Variants in RNF144A observed in about 807,000 individuals in gnomAD.
RNF144A encodes the protein E3 ubiquitin-protein ligase RNF144A.
RNF144A carries 11 observed loss-of-function variants against 38.7 expected under a neutral mutation model. That is an observed-to-expected ratio of 0.28 (90% CI 0.18 to 0.47). RNF144A has a LOEUF of 0.47. Ranked by LOEUF, RNF144A falls within the 20% of genes least tolerant of loss-of-function variation. The probability of loss-of-function intolerance (pLI) is 0.99; values close to 1 mark genes in which losing one functional copy is unlikely to be tolerated. For missense variants in RNF144A, 316 were observed against 377.2 expected (o/e 0.84, Z 1.34); for synonymous variants, 149 against 143.9 (o/e 1.04, Z -0.25).
At position 7,042,906 on chromosome 2, in the gene RNF144A, C is replaced by T. The variant is rs1023536761; in HGVS notation, c.*3146C>T. Reference sequence around the variant, plus strand: ...TTTTGAGACGGAGTTTCGCTTTTGTCCCCCAAGCTGGAGTACAATGACAGG... The same window carrying T: ...TTTTGAGACGGAGTTTCGCTTTTGTTCCCCAAGCTGGAGTACAATGACAGG... On this transcript the variant is annotated 3_prime_UTR_variant, in exon 9 of 9. Coordinates refer to ENST00000320892, the MANE Select transcript of RNF144A (RefSeq NM_014746.6). 8.7e-5 allele frequency: 83 copies of T among 948,992 alleles called. No individual in the cohort carries two copies. The highest frequency in any genetic ancestry group is 9.4e-5 in the Non-Finnish European group (75 of 797,062). 58.8% of individuals were successfully genotyped at this position (948,992 alleles called of 1,614,324 possible).
At chr2:7,001,097 C>T (rs758735000) in intron 3 of RNF144A, among the ~76,000 whole-genome samples, 282 of 150,244 alleles carry the variant, frequency 1.9e-3, no homozygotes, top group Non-Finnish European at 2.6e-3. Flanking sequence ...GTCAGGAGTT[C>T]GAGACCAGCC....
At chr2:6,976,370 C>T (rs574245563) in intron 2 of RNF144A, among the ~76,000 whole-genome samples, 5 of 152,034 alleles carry the variant, frequency 3.3e-5, no homozygotes, top group Admixed American at 6.5e-5. Flanking sequence ...GTTTGAGGGC[C>T]GTTTTTCTTT....
intron 6 of RNF144A, among the ~76,000 whole-genome samples, chr2:7,049,703 A>C (rs1673443165): frequency 6.6e-6 from 1 of 152,236 alleles, no homozygotes; most frequent in Non-Finnish European, 1.5e-5. Context: ...GAATCAACAT[A>C]TTAATGAAAC....
At chr2:7,053,966 C>A (rs577101142) in intron 6 of RNF144A, among the ~76,000 whole-genome samples, 1 of 152,348 alleles carries the variant, frequency 6.6e-6, no homozygotes, top group South Asian at 2.1e-4. Flanking sequence ...AGAAGCAGAG[C>A]TTGTCCATCT....
intron 2 of RNF144A, among the ~76,000 whole-genome samples, chr2:6,959,700 C>T (rs1289822434): frequency 6.6e-6 from 1 of 152,178 alleles, no homozygotes; most frequent in African/African-American, 2.4e-5. Flanking sequence ...TATGATAACC[C>T]ATTAATCTGT....
At position 7,041,917 on chromosome 2, in the gene RNF144A, TG is replaced by T; in HGVS notation, c.*2159del. 2.0e-6 allele frequency: 2 copies of T among 985,450 alleles called. No homozygotes were observed. The highest frequency in any genetic ancestry group is 2.4e-6 in the Non-Finnish European group (2 of 829,944). 61.0% of individuals were successfully genotyped at this position (985,450 alleles called of 1,614,324 possible). On this transcript the variant is annotated 3_prime_UTR_variant, in exon 9 of 9. Transcript: ENST00000320892. ...CAGGCTGTTCTGTTGGAAGAGTCTC[TG>T]GCCCAGTCATGCACATCTGTAGCCC...
At chr2:7,000,025 A>C (rs988372897) in intron 3 of RNF144A, among the ~76,000 whole-genome samples, 12 of 152,304 alleles carry the variant, frequency 7.9e-5, no homozygotes, top group Admixed American at 3.9e-4. Flanking sequence ...AATGTATTTC[A>C]GTGTGAAAGG....
downstream of RNF144A, among the ~76,000 whole-genome samples, chr2:7,068,597 G>C (rs1052488340): frequency 6.6e-6 from 1 of 152,222 alleles, no homozygotes; most frequent in Non-Finnish European, 1.5e-5. Context: ...CTGCACTGGC[G>C]AATCCGAGTC....
At chr2:6,997,879 A>G (rs1669861943) in intron 3 of RNF144A, among the ~76,000 whole-genome samples, 1 of 152,210 alleles carries the variant, frequency 6.6e-6, no homozygotes, top group Non-Finnish European at 1.5e-5. Flanking sequence ...CAGCATGATA[A>G]TTATAGTTAA....
chr2:6,928,275 C>T lies in RNF144A; in HGVS notation c.-212+10653C>T, dbSNP rs147482915. ...TAACATTTTTCCTTAAGACGCTCTA[C>T]TGTCAAAATCTACCCTGACTTCCAT... On this transcript the variant is annotated intron_variant, in intron 1 of 8. Coordinates refer to ENST00000320892, the MANE Select transcript of RNF144A (RefSeq NM_014746.6). Among the ~76,000 whole-genome samples the T allele has an allele frequency of 1.7e-3, 256 of 152,338 alleles. 3 individuals carry two copies. The highest frequency in any genetic ancestry group is 5.8e-3 in the African/African-American group (242 of 41,582).
chr2:6,976,676 A>G (rs1465957720), intron 2 of RNF144A, among the ~76,000 whole-genome samples: 1 of 149,676 alleles, frequency 6.7e-6, no homozygotes, highest in Non-Finnish European at 1.5e-5. Context: ...TATAAACTTT[A>G]TATATAATAT....
In RNF144A at chr2:7,040,166, T is replaced by C; in HGVS notation, c.*406T>C. 1 of 993,464 alleles carries C rather than the reference T, an allele frequency of 1.0e-6. No individual in the cohort carries two copies. The highest frequency in any genetic ancestry group is 1.2e-6 in the Non-Finnish European group (1 of 835,530). 61.5% of individuals were successfully genotyped at this position (993,464 alleles called of 1,614,324 possible). A position where few individuals can be genotyped will look rare whatever the true frequency, so the allele number is the denominator to read the frequency against. ...ACTGCCACTCTCTTCAGACAGAATC[T>C]GATTATTCCAGCTTGAGAGAAGCAC... is the stretch of plus-strand genomic sequence containing the variant. On this transcript the variant is annotated 3_prime_UTR_variant, in exon 9 of 9. Transcript: ENST00000320892.
rs77215697 is a variant in RNF144A at position 7,022,567 on chromosome 2, G to A, written c.510-1802G>A. Among the ~76,000 whole-genome samples, 65 of 152,312 alleles carry A rather than the reference G, an allele frequency of 4.3e-4. 1 individual carries two copies. The East Asian group carries it at 0.011, about 27-fold the overall frequency. ...TGTCTCCCCAGGAGACACTGTACAC[G>A]CTGTTCCTGCCGTTTCTTCCAAAAT... On this transcript the variant is annotated intron_variant, in intron 6 of 8. Transcript: ENST00000320892.
intron 2 of RNF144A, among the ~76,000 whole-genome samples, chr2:6,961,090 G>A (rs997194295): frequency 1.3e-5 from 2 of 151,328 alleles, no homozygotes; most frequent in African/African-American, 4.9e-5. Context: ...TTTTTTTTCT[G>A]TATGGCTTTT....
intron 2 of RNF144A, among the ~76,000 whole-genome samples, chr2:6,973,507 G>A (rs1668119054): frequency 6.6e-6 from 1 of 152,186 alleles, no homozygotes; most frequent in Non-Finnish European, 1.5e-5. Flanking sequence ...CACAGTACAG[G>A]GCGGGCATCT....
intron 2 of RNF144A, among the ~76,000 whole-genome samples, chr2:6,963,631 A>C (rs1006056791): frequency 6.6e-6 from 1 of 152,216 alleles, no homozygotes; most frequent in South Asian, 2.1e-4. Context: ...TGTAGTTTTA[A>C]CAAATTTCCT....
intron 2 of RNF144A, among the ~76,000 whole-genome samples, chr2:6,973,216 A>G (rs1668101161): frequency 6.6e-6 from 1 of 152,140 alleles, no homozygotes; most frequent in South Asian, 2.1e-4. Context: ...TGGGGTTCAA[A>G]CTCAGTGGCT....
At chr2:6,995,156 C>T (rs754919178) in intron 2 of RNF144A, among the ~76,000 whole-genome samples, 1 of 152,030 alleles carries the variant, frequency 6.6e-6, no homozygotes, top group Non-Finnish European at 1.5e-5. Context: ...AATATTAGCG[C>T]AGTGACACCC....
At chr2:7,020,346 C>T (rs1671436491) in intron 5 of RNF144A, 127 bp from the exon 6 acceptor site, 3 of 768,456 alleles carry the variant, frequency 3.9e-6, no homozygotes, top group Admixed American at 2.2e-5. Context: ...TCGGTTGGGG[C>T]TGGTGGTGCT....
Sources: gnomAD v4.1 joint callset for allele counts (sites outside exome capture counted in the v4.1 genomes callset) on GRCh38, gnomAD v4.1.1 for gene constraint, MANE v1.5 for transcripts, NCBI Gene and HGNC (gene_info 2026-07-23, HGNC 2026-07-21) for gene names.